TCTN2: variants seen among roughly 807,000 people sequenced by gnomAD.
TCTN2 encodes tectonic family member 2, also known as tectonic-2.
In TCTN2, 66 loss-of-function variants were observed where a neutral mutation model predicts 83.4. The ratio of observed to expected loss-of-function variants is 0.79; its 90% CI spans 0.65 to 0.97. TCTN2 has a LOEUF of 0.97. Among genes scored for constraint, TCTN2 ranks in the 50% least tolerant of loss-of-function variants. The pLI, the probability that TCTN2 is intolerant of heterozygous loss-of-function variation, is 0.00. For missense variants in TCTN2, 794 were observed against 858.1 expected (o/e 0.93, Z 0.93); for synonymous variants, 301 against 326.7 (o/e 0.92, Z 0.85).
chr12:123,692,565 A>T, intron 8 of TCTN2, 93 bp from the exon 9 acceptor site: 1 of 1,059,098 alleles, frequency 9.4e-7, no homozygotes, highest in Non-Finnish European at 1.5e-6. Flanking sequence ...AGTTGCGGTC[A>T]CCATATTTGC....
intron 9 of TCTN2, among the ~76,000 whole-genome samples, chr12:123,693,018 CTTTTTTT>C (rs539689505): frequency 6.7e-4 from 36 of 53,790 alleles, no homozygotes; most frequent in Admixed American, 2.8e-3. Flanking sequence ...TTAAATAATT[CTTTTTTT>C]TTTTTTTTTT....
chr12:123,676,961 C>T (rs531077029), intron 4 of TCTN2, among the ~76,000 whole-genome samples: 28 of 152,118 alleles, frequency 1.8e-4, no homozygotes, highest in African/African-American at 5.8e-4. Flanking sequence ...GAGGATCACT[C>T]GAGCCCAGGA....
intron 9 of TCTN2, among the ~76,000 whole-genome samples, chr12:123,694,504 C>G (rs554165359): frequency 1.1e-4 from 17 of 152,360 alleles, no homozygotes; most frequent in African/African-American, 4.1e-4. Context: ...GGCCCCTGCC[C>G]TGGCGGAACT....
rs771746280 is a variant in TCTN2, at chr12:123,706,781, G to A, written c.1825G>A (p.Asp609Asn). 1 of 1,614,086 alleles carries A rather than the reference G, an allele frequency of 6.2e-7. No individual in the cohort carries two copies. Among genetic ancestry groups the A allele is most frequent in the Non-Finnish European group, 8.5e-7 (1 of 1,180,020 alleles). Residue 609 changes from aspartate to asparagine, a missense_variant, in exon 16 of 18, where the codon GAC becomes AAC. Coordinates refer to ENST00000303372, the MANE Select transcript of TCTN2 (RefSeq NM_024809.5). ...QCGLTCEHKADLLPISASVQF... is the reference protein window; with the variant it reads ...QCGLTCEHKANLLPISASVQF... ...TGGGCTTACCTGTGAGCACAAGGCC[G>A]ACCTTCTCCCTATCAGTGCATCCGT...
chr12:123,707,127 T>G (rs1014054166), intron 17 of TCTN2, 54 bp downstream of exon 17: 3 of 1,490,126 alleles, frequency 2.0e-6, no homozygotes, highest in African/African-American at 2.8e-5. Flanking sequence ...TTAAAAAAAT[T>G]TTTTAAATGA....
At chr12:123,706,624 G>A in intron 15 of TCTN2, 102 bp from the exon 16 acceptor site, 1 of 1,578,730 alleles carries the variant, frequency 6.3e-7, no homozygotes, top group Non-Finnish European at 8.7e-7. Context: ...AAACTTCTTA[G>A]GAGAACCTCA....
intron 5 of TCTN2, among the ~76,000 whole-genome samples, chr12:123,686,200 C>T (rs1335786485): frequency 6.6e-6 from 1 of 152,026 alleles, no homozygotes; most frequent in Non-Finnish European, 1.5e-5. Flanking sequence ...GTGCCCACCA[C>T]CACACCCGGC....
chr12:123,706,035 C>T (rs11834808), intron 15 of TCTN2, among the ~76,000 whole-genome samples: 54,499 of 151,952 alleles, frequency 0.36, 10,249 homozygotes, highest in African/African-American at 0.41. Context: ...GGATTACAGG[C>T]ATGAGTCACC....
In TCTN2 at chr12:123,671,176, C is replaced by T; in HGVS notation, c.-65C>T. ...GGCAGTGGCTGCTGCGTTTTCGTGT[C>T]TGAGTCCTTCCTGGGTTCTAATGAG... On this transcript the variant is annotated 5_prime_UTR_variant, in exon 1 of 18. Transcript: ENST00000303372. The T allele has an allele frequency of 1.3e-6, 2 of 1,488,442 alleles. No individual in the cohort carries two copies. Among genetic ancestry groups the T allele is most frequent in the Admixed American group, 1.9e-5 (1 of 52,800 alleles). 92.2% of individuals were successfully genotyped at this position (1,488,442 alleles called of 1,614,324 possible). A position where few individuals can be genotyped will look rare whatever the true frequency, so the allele number is the denominator to read the frequency against.
At chr12:123,691,065 C>T (rs1956035137) in intron 8 of TCTN2, among the ~76,000 whole-genome samples, 2 of 152,062 alleles carry the variant, frequency 1.3e-5, no homozygotes. Flanking sequence ...GATGGGGTTT[C>T]ACTGTGTTGG....
At chr12:123,685,676 C>A (rs1045071364) in intron 5 of TCTN2, among the ~76,000 whole-genome samples, 1 of 151,726 alleles carries the variant, frequency 6.6e-6, no homozygotes, top group Non-Finnish European at 1.5e-5. Context: ...GCCTCAGCCT[C>A]CCAAAGTGCT....
chr12:123,672,163 C>T (rs1405335895), intron 3 of TCTN2, 31 bp downstream of exon 3: 2 of 1,590,286 alleles, frequency 1.3e-6, no homozygotes, highest in Non-Finnish European at 1.7e-6. Context: ...TCTCTGTAGC[C>T]TGTGAAGAGG....
At position 123,699,702 on chromosome 12, in the gene TCTN2, A is replaced by G. The variant is rs374349989; in HGVS notation, c.1506-2A>G. The G allele has an allele frequency of 2.1e-5, 33 of 1,608,974 alleles. No individual in the cohort carries two copies. The highest frequency in any genetic ancestry group is 1.6e-4 in the Middle Eastern group (1 of 6,064). ...GCTGAGAAATGTCTTACTCTCTTGC[A>G]GGGAGAATGCTGTTGAAAGACTTGA... is the stretch of plus-strand genomic sequence containing the variant. On this transcript the variant is annotated splice_acceptor_variant, in intron 13 of 17. Transcript: ENST00000303372. LOFTEE classifies it high-confidence loss of function.
At chr12:123,698,950 G>T (rs1956141009) in intron 13 of TCTN2, among the ~76,000 whole-genome samples, 2 of 152,096 alleles carry the variant, frequency 1.3e-5, no homozygotes, top group Non-Finnish European at 2.9e-5. Context: ...TACTGGGAAG[G>T]AGGGAATGCT....
intron 2 of TCTN2, 107 bp downstream of exon 2, chr12:123,671,721 CA>C (rs1955755563): frequency 1.1e-6 from 1 of 944,684 alleles, no homozygotes; most frequent in Non-Finnish European, 1.6e-6. Context: ...CTGTTCTCTG[CA>C]AAGTCGCATG....
chr12:123,681,426 G>A (rs529339827), intron 5 of TCTN2, among the ~76,000 whole-genome samples: 3 of 152,170 alleles, frequency 2.0e-5, no homozygotes, highest in East Asian at 1.9e-4. Flanking sequence ...CAAGGCCTCC[G>A]TGAATCTGCC....
chr12:123,707,997 C>A lies in TCTN2; in HGVS notation c.*284C>A. The A allele has an allele frequency of 2.6e-6, 1 of 384,764 alleles. No individual in the cohort carries two copies. Among genetic ancestry groups the A allele is most frequent in the Non-Finnish European group, 4.7e-6 (1 of 211,508 alleles). 23.8% of individuals were successfully genotyped at this position (384,764 alleles called of 1,614,324 possible). A position where few individuals can be genotyped will look rare whatever the true frequency, so the allele number is the denominator to read the frequency against. ...TGCTGAGATTACAGGCATGAGCCAC[C>A]GCACCCGGCCTTTTTTTTTTTTTTT... On this transcript the variant is annotated 3_prime_UTR_variant, in exon 18 of 18. Coordinates refer to ENST00000303372, the MANE Select transcript of TCTN2 (RefSeq NM_024809.5).
chr12:123,671,660 C>G, intron 2 of TCTN2, 46 bp downstream of exon 2: 1 of 1,552,126 alleles, frequency 6.4e-7, no homozygotes, highest in Non-Finnish European at 8.8e-7. Flanking sequence ...TGGACTGGAT[C>G]CAGACCTCCC....
intron 14 of TCTN2, among the ~76,000 whole-genome samples, chr12:123,704,279 ACGGCGTTAGCCACCGCACC>A (rs1192185515): frequency 1.3e-5 from 2 of 152,104 alleles, no homozygotes; most frequent in Non-Finnish European, 2.9e-5. Context: ...TGCTGGGATT[ACGGCGTTAGCCACCGCACC>A]CGGCCCATAC....
Sources: gnomAD v4.1 joint callset for allele counts (sites outside exome capture counted in the v4.1 genomes callset) on GRCh38, gnomAD v4.1.1 for gene constraint, MANE v1.5 for transcripts, NCBI Gene and HGNC (gene_info 2026-07-23, HGNC 2026-07-21) for gene names.